The following UBE4B variants were observed in gnomAD, a reference collection of about 807,000 sequenced individuals.
UBE4B encodes ubiquitin conjugation factor E4 B.
UBE4B carries 27 observed loss-of-function variants against 148.1 expected under a neutral mutation model. The observed-to-expected ratio is 0.18, with a 90% CI of 0.13 to 0.25. UBE4B has a LOEUF of 0.25. UBE4B is among the 10% of genes least tolerant of loss of function. The pLI is 1.00. For missense variants in UBE4B, 1,170 were observed against 1,662.4 expected, an observed-to-expected ratio of 0.70 and a Z score of 5.15; for synonymous variants, 596 against 619.3, an observed-to-expected ratio of 0.96 and a Z score of 0.56.
intron 1 of UBE4B, among the ~76,000 whole-genome samples, chr1:10,057,420 C>CTTT (rs1359827824): frequency 7.5e-6 from 1 of 132,920 alleles, no homozygotes; most frequent in Non-Finnish European, 1.6e-5. Flanking sequence ...AGTCTTTTCT[C>CTTT]TTTTTTTTTT....
chr1:10,080,355 G>A (rs1644657696), intron 2 of UBE4B, among the ~76,000 whole-genome samples: 1 of 151,734 alleles, frequency 6.6e-6, no homozygotes, highest in Admixed American at 6.6e-5. Context: ...AGGAGGCAGA[G>A]GTTGCAGTGA....
intron 25 of UBE4B, among the ~76,000 whole-genome samples, chr1:10,175,525 C>T (rs924482946): frequency 5.3e-5 from 8 of 151,780 alleles, no homozygotes; most frequent in African/African-American, 1.9e-4. Context: ...GTGGCGGGCG[C>T]CCGTAGACCC....
At chr1:10,054,506 G>T in intron 1 of UBE4B, 1 of 408,182 alleles carries the variant, frequency 2.4e-6, no homozygotes, top group Non-Finnish European at 4.7e-6. Context: ...TTCTCACACA[G>T]TGTGCTTCTC....
rs150213717 is a variant in UBE4B at position 10,069,875 on chromosome 1, T to G, written c.25-2153T>G. 3.9e-5 allele frequency among the ~76,000 whole-genome samples: 6 copies of G among 152,268 alleles called. No individual in the cohort carries two copies. In the East Asian group the frequency reaches 1.2e-3, roughly 29 times the overall value. ...TGCAGAAACTGAAGCAGAGAGCTGT[T>G]AAGTGACTTATCTGGATAGGCTCCA... On this transcript the variant is annotated intron_variant, in intron 1 of 27. Transcript: ENST00000343090.
At chr1:10,144,801 G>A (rs1645842112) in intron 17 of UBE4B, 139 bp from the exon 18 acceptor site, 1 of 518,264 alleles carries the variant, frequency 1.9e-6, no homozygotes, top group East Asian at 3.1e-5. Context: ...GCCGCTGGTT[G>A]TAAGATATAC....
At position 10,126,969 on chromosome 1, in the gene UBE4B, CA is replaced by C. The variant is rs1209781546; in HGVS notation, c.1638+94del. The stretch of plus-strand genomic sequence containing the variant: ...TACTTTTCTTTCAGGTCCATGAGAT[CA>C]ACCTTGTTTTCAAATTTAAAACATG... On this transcript the variant is annotated intron_variant, in intron 11 of 27. Transcript: ENST00000343090. 4 of 1,137,476 alleles carry C rather than the reference CA, an allele frequency of 3.5e-6. No homozygotes were observed. In the Admixed American group the frequency reaches 7.8e-5, roughly 22 times the overall value. The allele number at this position is 1,137,476 out of a possible 1,614,324, so 70.5% of individuals were successfully genotyped here. A position where few individuals can be genotyped will look rare whatever the true frequency, so the allele number is the denominator to read the frequency against.
intron 19 of UBE4B, among the ~76,000 whole-genome samples, chr1:10,148,433 A>T (rs1645914102): frequency 6.6e-6 from 1 of 151,790 alleles, no homozygotes; most frequent in African/African-American, 2.4e-5. Context: ...GGAGTTCGAG[A>T]CCATCCTGGC....
At chr1:10,089,605 A>G (rs1035141194) in intron 2 of UBE4B, among the ~76,000 whole-genome samples, 3 of 152,124 alleles carry the variant, frequency 2.0e-5, no homozygotes, top group East Asian at 1.9e-4. Context: ...AGCTTAATTC[A>G]TTGTCAAGAG....
intron 1 of UBE4B, among the ~76,000 whole-genome samples, chr1:10,071,680 G>A (rs761593672): frequency 1.7e-4 from 22 of 130,854 alleles, no homozygotes; most frequent in Non-Finnish European, 2.8e-4. Context: ...CAGTATATAC[G>A]TATTTATGTA....
chr1:10,061,826 T>C (rs1644291706), intron 1 of UBE4B, among the ~76,000 whole-genome samples: 1 of 152,158 alleles, frequency 6.6e-6, no homozygotes, highest in South Asian at 2.1e-4. Context: ...CATCTGCTGA[T>C]GTTGAGGAGT....
intron 1 of UBE4B, among the ~76,000 whole-genome samples, chr1:10,038,211 C>T (rs540734990): frequency 4.8e-5 from 7 of 145,006 alleles, no homozygotes; most frequent in East Asian, 4.1e-4. Flanking sequence ...ACCCGGGAGG[C>T]GGAGGTTGCA....
At chr1:10,112,158 G>T (rs1645232439) in intron 7 of UBE4B, among the ~76,000 whole-genome samples, 1 of 152,038 alleles carries the variant, frequency 6.6e-6, no homozygotes, top group Non-Finnish European at 1.5e-5. Context: ...TCAGAAGGAT[G>T]CAGCTCTGTT....
intron 26 of UBE4B, 97 bp downstream of exon 26, chr1:10,178,915 G>T: frequency 7.6e-7 from 1 of 1,320,168 alleles, no homozygotes; most frequent in Non-Finnish European, 1.0e-6. Context: ...TTTTTTAATG[G>T]TGTGCTAGAG....
At chr1:10,064,522 T>C (rs1644347419) in intron 1 of UBE4B, among the ~76,000 whole-genome samples, 1 of 152,188 alleles carries the variant, frequency 6.6e-6, no homozygotes, top group Non-Finnish European at 1.5e-5. Context: ...GAAAGATAGC[T>C]GGGTCACAGG....
At chr1:10,100,421 G>T (rs994819482) in intron 3 of UBE4B, among the ~76,000 whole-genome samples, 3 of 152,068 alleles carry the variant, frequency 2.0e-5, no homozygotes, top group Admixed American at 2.0e-4. Context: ...CAAACTTCTG[G>T]GCTAAAGTGA....
chr1:10,105,123 A>T (rs1231440864), intron 5 of UBE4B, among the ~76,000 whole-genome samples: 1 of 152,234 alleles, frequency 6.6e-6, no homozygotes, highest in Non-Finnish European at 1.5e-5. Context: ...CATTTGTAGT[A>T]TAATAAAGTA....
intron 2 of UBE4B, among the ~76,000 whole-genome samples, chr1:10,086,357 C>T (rs574203017): frequency 2.0e-5 from 3 of 152,254 alleles, no homozygotes; most frequent in Admixed American, 6.5e-5. Flanking sequence ...ATCCACCCGC[C>T]TTGGCCTCCC....
rs1258514343 is a variant in UBE4B, at chr1:10,161,893, C to G, written c.3198+607C>G. Among the ~76,000 whole-genome samples, 1 of 152,000 alleles carries G rather than the reference C, an allele frequency of 6.6e-6. No homozygotes were observed. Among genetic ancestry groups the G allele is most frequent in the Non-Finnish European group, 1.5e-5 (1 of 68,026 alleles). On this transcript the variant is annotated intron_variant, in intron 23 of 27. Coordinates refer to ENST00000343090, the MANE Select transcript of UBE4B (RefSeq NM_001105562.3). The surrounding 1 kb of genome is among the most constrained non-coding windows in gnomAD (Gnocchi z 4.1). The stretch of plus-strand genomic sequence containing the variant: ...AGTTGCTGGTGACTTCTTAGATTGG[C>G]TTAGGTTTATTGATTCTGTTCTTGG...
chr1:10,152,606 T>A (rs891427851), intron 21 of UBE4B, among the ~76,000 whole-genome samples: 7 of 152,104 alleles, frequency 4.6e-5, no homozygotes, highest in African/African-American at 1.7e-4. Flanking sequence ...GTGACCAGCC[T>A]GGCCAACATG....
Sources: gnomAD v4.1 joint callset for allele counts (sites outside exome capture counted in the v4.1 genomes callset) on GRCh38, gnomAD v4.1.1 for gene constraint, Gnocchi (gnomAD v3.1) non-coding constraint, MANE v1.5 for transcripts, NCBI Gene and HGNC (gene_info 2026-07-23, HGNC 2026-07-21) for gene names.